Variants in CCDC83 observed in about 807,000 individuals in gnomAD.
CCDC83 encodes coiled-coil domain-containing protein 83.
Under a neutral mutation model 50.1 loss-of-function variants are expected in CCDC83, and 54 were observed. That is an observed-to-expected ratio of 1.08 (90% CI 0.87 to 1.35). The LOEUF (loss-of-function observed/expected upper bound fraction) is 1.35. Ranked by LOEUF, CCDC83 falls within the 40% of genes most tolerant of loss-of-function variation. The pLI is 0.00. For synonymous variants in CCDC83, 161 were observed against 153.3 expected, an observed-to-expected ratio of 1.05 and a Z score of -0.37; for missense variants, 518 against 473.9, an observed-to-expected ratio of 1.09 and a Z score of -0.86.
At chr11:85,856,000 A>T (rs989964828) in intron 1 of CCDC83, among the ~76,000 whole-genome samples, 3 of 152,098 alleles carry the variant, frequency 2.0e-5, no homozygotes, top group African/African-American at 7.2e-5. Flanking sequence ...ATTGGTTTCA[A>T]CTTCTTGCTC....
chr11:85,908,228 T>G lies in CCDC83; in HGVS notation c.673-3053T>G, dbSNP rs372290022. ...ATATTATAATTATTTGTGGTTTTAA[T>G]CATTGGATTATAAGCTCTCTTGAGG... On this transcript the variant is annotated intron_variant, in intron 7 of 10. Coordinates refer to ENST00000342404, the MANE Select transcript of CCDC83 (RefSeq NM_001286159.2). Among the ~76,000 whole-genome samples, 109 of 152,280 alleles carry G rather than the reference T, an allele frequency of 7.2e-4. 1 individual carries two copies. The highest frequency in any genetic ancestry group is 2.5e-3 in the African/African-American group (104 of 41,564).
At chr11:85,906,240 ATTTTTTAGTAGAGGTGAGGTT>A (rs2135119412) in intron 7 of CCDC83, among the ~76,000 whole-genome samples, 1 of 151,520 alleles carries the variant, frequency 6.6e-6, no homozygotes, top group East Asian at 2.0e-4. Context: ...TAATTTTTCT[ATTTTTTAGTAGAGGTGAGGTT>A]TCATCATGTT....
intron 3 of CCDC83, among the ~76,000 whole-genome samples, 179 bp downstream of exon 3, chr11:85,873,474 C>A (rs1328284881): frequency 3.3e-5 from 5 of 152,074 alleles, no homozygotes; most frequent in African/African-American, 9.7e-5. Context: ...TACTGCTGTT[C>A]CCATTATATT....
chr11:85,918,681 C>A (rs943948895), intron 10 of CCDC83, among the ~76,000 whole-genome samples: 1 of 152,114 alleles, frequency 6.6e-6, no homozygotes, highest in South Asian at 2.1e-4. Context: ...CACAAAATCA[C>A]AGAAATAGTG....
intron 7 of CCDC83, among the ~76,000 whole-genome samples, chr11:85,904,568 T>C (rs1334845305): frequency 1.3e-5 from 2 of 152,246 alleles, no homozygotes; most frequent in Admixed American, 6.5e-5. Context: ...TTCTTGTTAA[T>C]GAGTTATTTT....
intron 3 of CCDC83, among the ~76,000 whole-genome samples, chr11:85,880,880 T>C (rs902319699): frequency 2.0e-5 from 3 of 152,202 alleles, no homozygotes; most frequent in Non-Finnish European, 2.9e-5. Flanking sequence ...ATCTTGGGGA[T>C]GGGACTCAAG....
Position 85,882,389 on chromosome 11 carries a change from G to A in CCDC83, c.181-124G>A, listed in dbSNP as rs144130422. On this transcript the variant is annotated intron_variant, in intron 3 of 10. Coordinates refer to ENST00000342404, the MANE Select transcript of CCDC83 (RefSeq NM_001286159.2). The stretch of plus-strand genomic sequence containing the variant: ...CACCTCATAATGTCTGATGGAAGTA[G>A]AAGTCCAGGCTTCCCACTTGCCTTC... 1.5e-3 allele frequency: 1,169 copies of A among 802,338 alleles called. 11 individuals are homozygous for A. In the African/African-American group the frequency reaches 0.018, roughly 12 times the overall value. The allele number at this position is 802,338 out of a possible 1,614,324, so 49.7% of individuals were successfully genotyped here. A position where few individuals can be genotyped will look rare whatever the true frequency, so the allele number is the denominator to read the frequency against.
intron 2 of CCDC83, among the ~76,000 whole-genome samples, chr11:85,869,043 AAAAC>A (rs2153682918): frequency 6.6e-6 from 1 of 152,358 alleles, no homozygotes; most frequent in East Asian, 1.9e-4. Flanking sequence ...CACACTCATG[AAAAC>A]AAATACAATG....
At chr11:85,918,872 G>A (rs1352921030) in intron 10 of CCDC83, among the ~76,000 whole-genome samples, 1 of 152,224 alleles carries the variant, frequency 6.6e-6, no homozygotes, top group Non-Finnish European at 1.5e-5. Flanking sequence ...GCTGAACATA[G>A]AGTAGCTACC....
intron 10 of CCDC83, among the ~76,000 whole-genome samples, chr11:85,918,413 T>C (rs1416087548): frequency 6.6e-6 from 1 of 152,098 alleles, no homozygotes; most frequent in Non-Finnish European, 1.5e-5. Context: ...TGGGAAAGGT[T>C]TGCTAAAGTG....
intron 4 of CCDC83, among the ~76,000 whole-genome samples, chr11:85,884,649 T>TAAAC (rs777500071): frequency 2.6e-5 from 4 of 152,146 alleles, no homozygotes; most frequent in Admixed American, 1.3e-4. Context: ...GATCTCAGCT[T>TAAAC]AAACAAACAA....
chr11:85,893,626 T>C (rs2093359674), intron 5 of CCDC83, among the ~76,000 whole-genome samples: 1 of 152,236 alleles, frequency 6.6e-6, no homozygotes, highest in Non-Finnish European at 1.5e-5. Flanking sequence ...AATCTTTGTC[T>C]GTATTTACAG....
chr11:85,887,269 C>T (rs17817343), intron 5 of CCDC83, among the ~76,000 whole-genome samples: 21,226 of 152,110 alleles, frequency 0.14, 1,802 homozygotes, highest in Middle Eastern at 0.19. Context: ...AAAAGAACAC[C>T]AGAGACCCAG....
chr11:85,893,715 GC>G (rs1161327843), intron 5 of CCDC83, among the ~76,000 whole-genome samples: 1 of 152,100 alleles, frequency 6.6e-6, no homozygotes, highest in Non-Finnish European at 1.5e-5. Context: ...TTTTAGGAGC[GC>G]AAACCCTATT....
chr11:85,859,619 T>C (rs980144161), intron 1 of CCDC83, among the ~76,000 whole-genome samples: 4 of 152,214 alleles, frequency 2.6e-5, no homozygotes, highest in African/African-American at 9.7e-5. Context: ...GCTAGCCATA[T>C]GTGGAAGATT....
intron 4 of CCDC83, among the ~76,000 whole-genome samples, chr11:85,883,011 G>GGGCTCATGCTCATGAGCCCA (rs2093309106): frequency 6.6e-6 from 1 of 152,100 alleles, no homozygotes; most frequent in Non-Finnish European, 1.5e-5. Flanking sequence ...TTAACCTCCT[G>GGGCTCATGCTCATGAGCCCA]GGCTCATGCA....
At chr11:85,904,319 T>G (rs889135152) in intron 7 of CCDC83, among the ~76,000 whole-genome samples, 1 of 152,152 alleles carries the variant, frequency 6.6e-6, no homozygotes, top group African/African-American at 2.4e-5. Context: ...CTGGCCCAAA[T>G]TGTGTGCCAT....
chr11:85,898,936 C>T lies in CCDC83; in HGVS notation c.604-11C>T. On this transcript the variant is annotated splice_polypyrimidine_tract_variant and intron_variant, in intron 6 of 10. Coordinates refer to ENST00000342404, the MANE Select transcript of CCDC83 (RefSeq NM_001286159.2). The stretch of plus-strand genomic sequence containing the variant: ...TGGCAACTCTTCCTTAATCCAGAAA[C>T]TTTCTTTTAGAATGCTGTAAAGCTC... 6.2e-7 allele frequency: 1 copy of T among 1,601,680 alleles called. No homozygotes were observed. Among genetic ancestry groups the T allele is most frequent in the Non-Finnish European group, 8.5e-7 (1 of 1,171,288 alleles).
chr11:85,899,632 A>C (rs983591504), intron 7 of CCDC83, among the ~76,000 whole-genome samples: 1 of 152,084 alleles, frequency 6.6e-6, no homozygotes, highest in Non-Finnish European at 1.5e-5. Flanking sequence ...TTCTTGTTTT[A>C]TTGTAATTCT....
Sources: allele counts gnomAD v4.1 joint callset (sites outside exome capture counted in the v4.1 genomes callset), GRCh38; gene constraint gnomAD v4.1.1; transcripts MANE v1.5; gene names NCBI Gene and HGNC (gene_info 2026-07-23, HGNC 2026-07-21).